WASHC2C: variants seen among roughly 807,000 people sequenced by gnomAD.
WASHC2C encodes Vaccinia Penetration Factor.
WASHC2C carries 73 observed loss-of-function variants against 142.2 expected under a neutral mutation model. The ratio of observed to expected loss-of-function variants is 0.51; its 90% CI spans 0.43 to 0.62. WASHC2C has a LOEUF of 0.62. WASHC2C is among the 20% of genes least tolerant of loss of function. WASHC2C has a pLI of 0.00. For missense variants in WASHC2C, 969 were observed against 1,531.7 expected (o/e 0.63, Z 6.13); for synonymous variants, 337 against 565.5 (o/e 0.60, Z 5.73).
Position 45,789,081 on chromosome 10 carries a change from G to A in WASHC2C, c.3298G>A (p.Ala1100Thr), listed in dbSNP as rs1244601193. 40 of 1,611,958 alleles carry A rather than the reference G, an allele frequency of 2.5e-5. No homozygotes were observed. Among genetic ancestry groups the A allele is most frequent in the South Asian group, 1.4e-4 (13 of 90,996 alleles). Residue 1100 changes from alanine to threonine, a missense_variant, in exon 29 of 31, where the codon GCT becomes ACT. Transcript: ENST00000623400. ...DSTEEALAAA[A>T]APWEGGPVPG... ...CACTGAGGAGGCCCTGGCAGCTGCC[G>A]CTGCACCTTGGGAAGGTGGTCCTGT...
chr10:45,773,759 C>G (rs1755141036), intron 21 of WASHC2C, among the ~76,000 whole-genome samples: 3 of 152,144 alleles, frequency 2.0e-5, no homozygotes, highest in Non-Finnish European at 4.4e-5. Flanking sequence ...AATGCATGAA[C>G]CTTGAGGCCG....
intron 5 of WASHC2C, among the ~76,000 whole-genome samples, chr10:45,742,924 A>G (rs2610460): frequency 0.54 from 71,148 of 131,392 alleles, 17,622 homozygotes; most frequent in East Asian, 0.72. Context: ...TGCCCAGGCT[A>G]GAGTGCAGTA....
chr10:45,733,023 C>T (rs2050784571), intron 3 of WASHC2C, among the ~76,000 whole-genome samples: 1 of 152,298 alleles, frequency 6.6e-6, no homozygotes, highest in East Asian at 1.9e-4. Flanking sequence ...ATGCCATATG[C>T]CCTGCTGCTA....
intron 3 of WASHC2C, among the ~76,000 whole-genome samples, chr10:45,736,107 T>TAA (rs113659681): frequency 7.2e-6 from 1 of 139,828 alleles, no homozygotes; most frequent in Non-Finnish European, 1.6e-5. Context: ...CCATCTCTAC[T>TAA]AAAAAAAAAA....
chr10:45,752,692 G>T lies in WASHC2C; in HGVS notation c.1108G>T (p.Asp370Tyr), dbSNP rs541734446. Residue 370 changes from aspartate (D) to tyrosine (Y), a missense_variant, in exon 12 of 31, where the codon GAT (aspartate) becomes TAT (tyrosine). Coordinates refer to ENST00000623400, the MANE Select transcript of WASHC2C (RefSeq NM_001330074.2). The stretch of plus-strand genomic sequence containing the variant: ...CAGTGGCGGCAAGGGGCTATTTGAT[G>T]ATGAGGACGAGGAGGTGAGTCCATG... ...LFSGGKGLFD[D>Y]EDEESDLFTE... 1 of 1,610,048 alleles carries T rather than the reference G, an allele frequency of 6.2e-7. No individual in the cohort carries two copies. The highest frequency in any genetic ancestry group is 1.4e-5 in the African/African-American group (1 of 73,972).
Position 45,728,854 on chromosome 10 carries a change from T to A in WASHC2C, c.127-8T>A, listed in dbSNP as rs759423836. ...TTGATACTACTGTATGTTTATTTTT[T>A]AAAATAGCTACTACAGTTTCTACAG... On this transcript the variant is annotated splice_polypyrimidine_tract_variant and splice_region_variant and intron_variant, in intron 2 of 30. Transcript: ENST00000623400. 1 of 1,611,672 alleles carries A rather than the reference T, an allele frequency of 6.2e-7. No individual in the cohort carries two copies. Among genetic ancestry groups the A allele is most frequent in the African/African-American group, 1.3e-5 (1 of 74,718 alleles).
intron 2 of WASHC2C, among the ~76,000 whole-genome samples, chr10:45,728,419 A>G (rs1246856929): frequency 6.6e-5 from 10 of 152,168 alleles, no homozygotes; most frequent in African/African-American, 1.9e-4. Context: ...GTGTTTTCCA[A>G]TGTCACTTGG....
chr10:45,789,000 G>T lies in WASHC2C; in HGVS notation c.3217G>T (p.Ala1073Ser). 1 of 1,612,002 alleles carries T rather than the reference G, an allele frequency of 6.2e-7. No individual in the cohort carries two copies. The highest frequency in any genetic ancestry group is 1.1e-5 in the South Asian group (1 of 90,990). ...ACCCATTGCACAGTGGGCTGATGGCGCCATTTCCCCAAATGGCCATCGGCC... is the reference window on the plus strand; with the variant it reads ...ACCCATTGCACAGTGGGCTGATGGCTCCATTTCCCCAAATGGCCATCGGCC... ...RGPIAQWADGAISPNGHRPQL... is the reference protein window; with the variant it reads ...RGPIAQWADGSISPNGHRPQL... The change falls in exon 29 of 31, where the codon GCC becomes TCC. Residue 1073 changes from alanine to serine, a missense_variant. Coordinates refer to ENST00000623400, the MANE Select transcript of WASHC2C (RefSeq NM_001330074.2).
rs1438004740 is a variant in WASHC2C at position 45,749,898 on chromosome 10, AT to A, written c.733-190del. ...TTATATTTTATATATATTTTTATAT[AT>A]TTTTTTTCTTAGATTCAAAGTAAAT... On this transcript the variant is annotated intron_variant, in intron 8 of 30. Coordinates refer to ENST00000623400, the MANE Select transcript of WASHC2C (RefSeq NM_001330074.2). Among the ~76,000 whole-genome samples the A allele has an allele frequency of 4.6e-3, 629 of 136,008 alleles. 5 individuals are homozygous for A. Among genetic ancestry groups the A allele is most frequent in the South Asian group, 7.5e-3 (33 of 4,406 alleles). 89.2% of individuals were successfully genotyped at this position (136,008 alleles called of 152,430 possible). A position where few individuals can be genotyped will look rare whatever the true frequency, so the allele number is the denominator to read the frequency against.
At chr10:45,735,684 G>A (rs186632910) in intron 3 of WASHC2C, among the ~76,000 whole-genome samples, 7 of 152,316 alleles carry the variant, frequency 4.6e-5, no homozygotes, top group African/African-American at 1.2e-4. Context: ...TGATGTTTGC[G>A]TTTATGATAA....
intron 15 of WASHC2C, among the ~76,000 whole-genome samples, chr10:45,755,482 A>G (rs1414571917): frequency 6.6e-6 from 1 of 152,270 alleles, no homozygotes; most frequent in Non-Finnish European, 1.5e-5. Context: ...TGTGCCGGCC[A>G]TTTATTTCCC....
Position 45,727,290 on chromosome 10 carries a change from T to G in WASHC2C, c.-28T>G. 1 of 1,557,866 alleles carries G rather than the reference T, an allele frequency of 6.4e-7. No homozygotes were observed. Among genetic ancestry groups the G allele is most frequent in the East Asian group, 2.4e-5 (1 of 42,046 alleles). On this transcript the variant is annotated 5_prime_UTR_variant, in exon 1 of 31. Transcript: ENST00000623400. ...CGGTCCTCGGCCTGTGCTGGCAGCC[T>G]CGGAGCCCACCGAGCCGGGCGGCTG...
chr10:45,751,856 TGTC>T (rs1438781487), intron 11 of WASHC2C, among the ~76,000 whole-genome samples: 1 of 151,644 alleles, frequency 6.6e-6, no homozygotes, highest in East Asian at 1.9e-4. Context: ...GGGTGCCTGT[TGTC>T]CCAGCTACTT....
At chr10:45,783,443 G>GT (rs1443064905) in intron 23 of WASHC2C, among the ~76,000 whole-genome samples, 1 of 152,066 alleles carries the variant, frequency 6.6e-6, no homozygotes, top group African/African-American at 2.4e-5. Context: ...TTTTTCATTA[G>GT]TTTTTTTGGT....
intron 3 of WASHC2C, among the ~76,000 whole-genome samples, chr10:45,737,697 T>TA (rs1380660050): frequency 6.6e-6 from 1 of 152,148 alleles, no homozygotes; most frequent in East Asian, 1.9e-4. Flanking sequence ...ACTGATATCT[T>TA]ACTGTTTTTG....
At chr10:45,746,706 A>T (rs1554871282) in intron 8 of WASHC2C, 59 bp downstream of exon 8, 1 of 1,592,142 alleles carries the variant, frequency 6.3e-7, no homozygotes, top group Non-Finnish European at 8.6e-7. Flanking sequence ...CATAGTATAT[A>T]TACTAAAATT....
chr10:45,755,158 A>G, intron 15 of WASHC2C, 43 bp downstream of exon 15: 2 of 1,561,350 alleles, frequency 1.3e-6, no homozygotes, highest in African/African-American at 1.4e-5. Flanking sequence ...AGCCAGAAAA[A>G]GAATGTTGCC....
At chr10:45,775,722 G>A (rs1451423454) in intron 21 of WASHC2C, among the ~76,000 whole-genome samples, 27 of 119,190 alleles carry the variant, frequency 2.3e-4, no homozygotes, top group African/African-American at 6.9e-4. Flanking sequence ...TTGCTCTTTC[G>A]TCCAGGCTGG....
chr10:45,776,498 C>CA (rs2057095161), intron 21 of WASHC2C, among the ~76,000 whole-genome samples: 1 of 141,590 alleles, frequency 7.1e-6, no homozygotes, highest in Non-Finnish European at 1.5e-5. Flanking sequence ...TGGTATAAAA[C>CA]ACTGGGACTG....
Sources: allele counts gnomAD v4.1 joint callset (sites outside exome capture counted in the v4.1 genomes callset), GRCh38; gene constraint gnomAD v4.1.1; transcripts MANE v1.5; gene names NCBI Gene and HGNC (gene_info 2026-07-23, HGNC 2026-07-21).